Variants in TAF1A observed in about 807,000 individuals in gnomAD.
The protein encoded by TAF1A is TATA box-binding protein-associated factor RNA polymerase I subunit A.
A neutral mutation model predicts 61.6 loss-of-function variants in TAF1A; 42 were observed. That is an observed-to-expected ratio of 0.68 (90% confidence interval 0.53 to 0.88). The LOEUF is 0.88. Among genes scored for constraint, TAF1A ranks in the 40% least tolerant of loss-of-function variants. The pLI is 0.00. For missense variants in TAF1A, 424 were observed against 518.7 expected (o/e 0.82, Z 1.77); for synonymous variants, 179 against 177.7 (o/e 1.01, Z -0.06).
chr1:222,565,476 G>A (rs561659452), intron 7 of TAF1A, among the ~76,000 whole-genome samples: 1 of 152,226 alleles, frequency 6.6e-6, no homozygotes, highest in East Asian at 1.9e-4. Context: ...TATGAGATAA[G>A]TATTCAACAG....
chr1:222,582,568 A>G (rs575945829), intron 3 of TAF1A, among the ~76,000 whole-genome samples: 2 of 152,280 alleles, frequency 1.3e-5, no homozygotes, highest in Admixed American at 6.5e-5. Context: ...TAGTGTTACC[A>G]TATGACCAGC....
chr1:222,571,288 T>C (rs1045402661), intron 5 of TAF1A, among the ~76,000 whole-genome samples: 1 of 152,138 alleles, frequency 6.6e-6, no homozygotes, highest in African/African-American at 2.4e-5. Flanking sequence ...AACTGAATGA[T>C]AAAAGACTGC....
At chr1:222,556,884 A>T (rs527453085), downstream of TAF1A, among the ~76,000 whole-genome samples, 7 of 152,282 alleles carry the variant, frequency 4.6e-5, no homozygotes, top group African/African-American at 1.7e-4. Context: ...TGGGAATTTC[A>T]TTGCTAGAGT....
chr1:222,584,255 C>T lies in TAF1A; in HGVS notation c.164G>A (p.Ser55Asn), dbSNP rs199549286. 3.7e-6 allele frequency: 6 copies of T among 1,610,712 alleles called. No homozygotes were observed. Among genetic ancestry groups the T allele is most frequent in the African/African-American group, 1.3e-5 (1 of 74,880 alleles). Reference sequence around the variant, plus strand: ...TTCTTGGATAAAACTTAAACAAGCACTTGTTGTCTGAGCAAAATCCTTCCT... The same window carrying T: ...TTCTTGGATAAAACTTAAACAAGCATTTGTTGTCTGAGCAAAATCCTTCCT... ...KRRKDFAQTT[S>N]ACLSFIQEAL... The change falls in exon 3 of 11, where the codon AGT becomes AAT. Residue 55 changes from serine (S) to asparagine (N), a missense_variant. By Grantham distance (46) the Ser-to-Asn change is conservative. Transcript: ENST00000352967.
At chr1:222,570,745 G>T in intron 5 of TAF1A, 80 bp from the exon 6 acceptor site, 1 of 1,386,186 alleles carries the variant, frequency 7.2e-7, no homozygotes, top group Non-Finnish European at 9.7e-7. Context: ...AAAACTATCT[G>T]CGAGAAAAAC....
chr1:222,576,806 C>T (rs10495196), intron 5 of TAF1A, among the ~76,000 whole-genome samples: 2 of 152,158 alleles, frequency 1.3e-5, no homozygotes, highest in Non-Finnish European at 2.9e-5. Flanking sequence ...GTAATAATGA[C>T]TGCTGAAGAA....
At chr1:222,588,393 C>A in intron 2 of TAF1A, 50 bp downstream of exon 2, 1 of 1,593,824 alleles carries the variant, frequency 6.3e-7, no homozygotes, top group Non-Finnish European at 8.5e-7. Flanking sequence ...CCTATTGAAT[C>A]TTACCACCTC....
At chr1:222,569,737 C>T in intron 6 of TAF1A, 69 bp from the exon 7 acceptor site, 1 of 1,384,668 alleles carries the variant, frequency 7.2e-7, no homozygotes, top group Non-Finnish European at 9.8e-7. Context: ...TAATACACAG[C>T]ATAAGTTTAC....
At chr1:222,586,590 C>T (rs1171168987) in intron 2 of TAF1A, among the ~76,000 whole-genome samples, 1 of 152,086 alleles carries the variant, frequency 6.6e-6, no homozygotes, top group Non-Finnish European at 1.5e-5. Flanking sequence ...CAATAAAGAA[C>T]TAGTGTCATC....
At chr1:222,570,803 A>C in intron 5 of TAF1A, 138 bp from the exon 6 acceptor site, 1 of 777,080 alleles carries the variant, frequency 1.3e-6, no homozygotes, top group Admixed American at 3.0e-5. Context: ...TATTTAAAGG[A>C]AAATACTAAT....
chr1:222,583,900 G>A (rs771187871), intron 3 of TAF1A, among the ~76,000 whole-genome samples: 1 of 151,058 alleles, frequency 6.6e-6, no homozygotes, highest in African/African-American at 2.4e-5. Context: ...CATCCATAAA[G>A]AGGGGGGAAA....
chr1:222,579,614 C>A, intron 4 of TAF1A, 145 bp downstream of exon 4: 1 of 984,224 alleles, frequency 1.0e-6, no homozygotes, highest in Non-Finnish European at 1.5e-6. Context: ...TCTCATAACG[C>A]TCTTTTCTTT....
chr1:222,571,802 T>A (rs1344353318), intron 5 of TAF1A, among the ~76,000 whole-genome samples: 1 of 152,198 alleles, frequency 6.6e-6, no homozygotes, highest in African/African-American at 2.4e-5. Context: ...ATACATGTAA[T>A]TCCTATCAAA....
intron 5 of TAF1A, among the ~76,000 whole-genome samples, chr1:222,571,337 CT>C (rs1213173942): frequency 2.0e-5 from 3 of 152,170 alleles, no homozygotes; most frequent in Non-Finnish European, 4.4e-5. Context: ...ACAAAAATGT[CT>C]TTTCTCACTA....
At chr1:222,576,294 T>C (rs901110116) in intron 5 of TAF1A, among the ~76,000 whole-genome samples, 4 of 152,156 alleles carry the variant, frequency 2.6e-5, no homozygotes, top group African/African-American at 7.2e-5. Flanking sequence ...TTTCAGAGTA[T>C]CTTGAAAGAA....
intron 4 of TAF1A, among the ~76,000 whole-genome samples, chr1:222,578,754 C>T (rs1051016795): frequency 2.0e-5 from 3 of 152,186 alleles, no homozygotes; most frequent in African/African-American, 7.2e-5. Flanking sequence ...GTACCCATAA[C>T]ACTTCATTCC....
chr1:222,582,009 C>T (rs1660807706), intron 3 of TAF1A, among the ~76,000 whole-genome samples: 1 of 152,128 alleles, frequency 6.6e-6, no homozygotes, highest in African/African-American at 2.4e-5. Flanking sequence ...TCATATACAC[C>T]TATACATATA....
chr1:222,561,626 C>T, intron 9 of TAF1A, 108 bp from the exon 10 acceptor site: 2 of 1,158,842 alleles, frequency 1.7e-6, no homozygotes, highest in Non-Finnish European at 2.4e-6. Flanking sequence ...GAAGATGCTT[C>T]CAAGCTAAAT....
chr1:222,561,255 C>G, intron 10 of TAF1A, 109 bp downstream of exon 10: 1 of 1,141,274 alleles, frequency 8.8e-7, no homozygotes, highest in Non-Finnish European at 1.2e-6. Context: ...GTCTTAAGCA[C>G]CTAATATTTT....
Sources: gnomAD v4.1 joint callset for allele counts (sites outside exome capture counted in the v4.1 genomes callset) on GRCh38, gnomAD v4.1.1 for gene constraint, MANE v1.5 for transcripts, NCBI Gene and HGNC (gene_info 2026-07-23, HGNC 2026-07-21) for gene names.